PARD3B: variants seen among roughly 807,000 people sequenced by gnomAD.
The protein encoded by PARD3B is partitioning defective 3 homolog B.
In PARD3B, 103 loss-of-function variants were observed where a neutral mutation model predicts 130.2. That is an observed-to-expected ratio of 0.79 (90% CI 0.67 to 0.93). The LOEUF is 0.93. PARD3B is among the 40% of genes least tolerant of loss of function. The pLI, the probability that PARD3B is intolerant of heterozygous loss-of-function variation, is 0.00. For missense variants in PARD3B, 1,609 were observed against 1,499.2 expected, an observed-to-expected ratio of 1.07 and a Z score of -1.21; for synonymous variants, 583 against 553.2, an observed-to-expected ratio of 1.05 and a Z score of -0.76.
intron 1 of PARD3B, among the ~76,000 whole-genome samples, chr2:204,639,349 A>G (rs1234567538): frequency 3.9e-5 from 6 of 152,142 alleles, no homozygotes; most frequent in Admixed American, 3.9e-4. Context: ...GATGAAAATA[A>G]CTATTACTAT....
chr2:205,482,446 G>A (rs557851273), intron 20 of PARD3B: 1 of 152,254 alleles, frequency 6.6e-6, no homozygotes, highest in Non-Finnish European at 1.5e-5. Flanking sequence ...GCAGAGGATT[G>A]TTTTTTAAAG....
Position 205,440,908 on chromosome 2 carries a change from G to A in PARD3B, c.3044+236G>A, listed in dbSNP as rs1282471514. Among the ~76,000 whole-genome samples the A allele has an allele frequency of 6.6e-6, 1 of 152,172 alleles. No homozygotes were observed. Among genetic ancestry groups the A allele is most frequent in the Non-Finnish European group, 1.5e-5 (1 of 68,040 alleles). ...TAGTAGCAGAGTTCATGATGCAATA[G>A]GGAGCCATTTTTGAAGGAGTATTGT... On this transcript the variant is annotated intron_variant, in intron 20 of 22. Transcript: ENST00000406610. This position sits in a 1 kb window ranked among gnomAD's most constrained non-coding sequence, Gnocchi z 4.2.
intron 22 of PARD3B, among the ~76,000 whole-genome samples, chr2:205,614,743 C>T (rs1169985698): frequency 6.6e-6 from 1 of 151,714 alleles, no homozygotes; most frequent in African/African-American, 2.4e-5. Context: ...GCTCTAGGTG[C>T]TCTGGCTTGG....
At chr2:205,273,367 A>T (rs1173527482) in intron 16 of PARD3B, among the ~76,000 whole-genome samples, 2 of 152,184 alleles carry the variant, frequency 1.3e-5, no homozygotes, top group Non-Finnish European at 2.9e-5. Context: ...TGTTATACTT[A>T]CTGTGAATTC....
At chr2:205,531,915 G>A (rs991809346) in intron 21 of PARD3B, among the ~76,000 whole-genome samples, 1 of 152,070 alleles carries the variant, frequency 6.6e-6, no homozygotes, top group Non-Finnish European at 1.5e-5. Context: ...GGAAGGATGG[G>A]TTGATTATTT....
At chr2:204,619,715 G>A (rs894916032) in intron 1 of PARD3B, among the ~76,000 whole-genome samples, 6 of 152,190 alleles carry the variant, frequency 3.9e-5, no homozygotes, top group African/African-American at 7.2e-5. Context: ...CCCTACACAA[G>A]CAAGAGTTAG....
In PARD3B at chr2:204,812,772, T is replaced by C. The variant is rs184993003; in HGVS notation, c.222+126490T>C. ...AAATCCTACTAGGAAGCTGCTGATA[T>C]CAGCTTCAGGTGTTTTCTATCTGCT... On this transcript the variant is annotated intron_variant, in intron 2 of 22. Coordinates refer to ENST00000406610, the MANE Select transcript of PARD3B (RefSeq NM_001302769.2). Among the ~76,000 whole-genome samples the C allele has an allele frequency of 2.6e-3, 392 of 152,290 alleles. 1 individual carries two copies. The highest frequency in any genetic ancestry group is 0.014 in the Middle Eastern group (4 of 294).
chr2:205,242,547 A>G (rs2039396122), intron 15 of PARD3B, among the ~76,000 whole-genome samples: 1 of 152,212 alleles, frequency 6.6e-6, no homozygotes, highest in Non-Finnish European at 1.5e-5. Flanking sequence ...GTAAATTGCT[A>G]GGTCGTATCT....
At chr2:204,565,185 C>A (rs1188873928) in intron 1 of PARD3B, among the ~76,000 whole-genome samples, 3 of 152,200 alleles carry the variant, frequency 2.0e-5, no homozygotes, top group African/African-American at 7.2e-5. Context: ...AGGTCACCTG[C>A]AGTTTCTTGT....
At chr2:204,985,275 C>A (rs1275666010) in intron 3 of PARD3B, among the ~76,000 whole-genome samples, 1 of 151,990 alleles carries the variant, frequency 6.6e-6, no homozygotes, top group Non-Finnish European at 1.5e-5. Flanking sequence ...AAAGCCCAAA[C>A]AACAAAACTG....
intron 3 of PARD3B, among the ~76,000 whole-genome samples, chr2:205,044,848 C>T (rs1400273529): frequency 1.3e-5 from 2 of 152,130 alleles, no homozygotes; most frequent in Admixed American, 1.3e-4. Context: ...TCAGTCTCTT[C>T]CTGACAGCCA....
chr2:204,577,459 C>A (rs1187132408), intron 1 of PARD3B, among the ~76,000 whole-genome samples: 2 of 152,230 alleles, frequency 1.3e-5, no homozygotes, highest in East Asian at 3.8e-4. Flanking sequence ...CTGTCTGGCT[C>A]ATGTTGCACA....
intron 18 of PARD3B, among the ~76,000 whole-genome samples, chr2:205,334,817 AAAGTGAAGGACAAAGCAT>A (rs1341538834): frequency 6.6e-6 from 1 of 152,220 alleles, no homozygotes; most frequent in East Asian, 1.9e-4. Context: ...AGATCACACC[AAAGTGAAGGACAAAGCAT>A]AAGTGAGAAC....
chr2:204,965,101 T>C (rs1445048226), intron 2 of PARD3B, 51 bp from the exon 3 acceptor site: 2 of 1,565,056 alleles, frequency 1.3e-6, no homozygotes, highest in Admixed American at 3.6e-5. Flanking sequence ...ATAGTGTCCG[T>C]GTGGTATGCA....
rs1435576916 is a variant in PARD3B at position 205,100,499 on chromosome 2, T to C, written c.505-3927T>C. Reference sequence around the variant, plus strand: ...TAACAAACTGATTCCAAAATTAATATGGAAATGCAAGAGACCCAGCATAGC... The same window carrying C: ...TAACAAACTGATTCCAAAATTAATACGGAAATGCAAGAGACCCAGCATAGC... On this transcript the variant is annotated intron_variant, in intron 4 of 22. Transcript: ENST00000406610. Among the ~76,000 whole-genome samples the C allele has an allele frequency of 2.0e-5, 3 of 151,806 alleles. No homozygotes were observed. In the East Asian group the frequency reaches 5.8e-4, roughly 29 times the overall value.
intron 1 of PARD3B, among the ~76,000 whole-genome samples, chr2:204,555,605 G>C (rs2030866901): frequency 6.6e-6 from 1 of 152,110 alleles, no homozygotes; most frequent in Non-Finnish European, 1.5e-5. Context: ...AGTTCCTTGA[G>C]ATCTCTTGGT....
intron 2 of PARD3B, among the ~76,000 whole-genome samples, chr2:204,905,361 C>CT (rs1284665664): frequency 6.6e-6 from 1 of 152,174 alleles, no homozygotes. Flanking sequence ...GAGAGCAGGG[C>CT]TTCAGACCAC....
chr2:205,507,068 A>C (rs377406060), intron 21 of PARD3B, among the ~76,000 whole-genome samples: 104 of 152,198 alleles, frequency 6.8e-4, no homozygotes, highest in African/African-American at 2.4e-3. Context: ...GAAGGAGGAG[A>C]TAGTCTCTCT....
chr2:205,542,570 A>C (rs1350375264), intron 21 of PARD3B, among the ~76,000 whole-genome samples: 2 of 152,150 alleles, frequency 1.3e-5, no homozygotes, highest in Non-Finnish European at 2.9e-5. Flanking sequence ...ATTTGAGGAA[A>C]ATGCCTGTCT....
Sources: allele counts gnomAD v4.1 joint callset (sites outside exome capture counted in the v4.1 genomes callset), GRCh38; gene constraint gnomAD v4.1.1; non-coding constraint Gnocchi (gnomAD v3.1); transcripts MANE v1.5; gene names NCBI Gene and HGNC (gene_info 2026-07-23, HGNC 2026-07-21).